Variants in ABCA13 observed in about 807,000 individuals in gnomAD.
ABCA13 encodes the protein ATP-binding cassette sub-family A member 13.
In ABCA13, 476 loss-of-function variants were observed where a neutral mutation model predicts 478.7. The ratio of observed to expected loss-of-function variants is 0.99; its 90% CI spans 0.92 to 1.07. The LOEUF (loss-of-function observed/expected upper bound fraction) is 1.07, where lower values mean the gene tolerates loss of function less well. Ranked by LOEUF, ABCA13 falls within the 50% of genes least tolerant of loss-of-function variation. The pLI is 0.00. For synonymous variants in ABCA13, 2,252 were observed against 2,158.9 expected (o/e 1.04, Z -1.20); for missense variants, 6,060 against 5,910.6 (o/e 1.03, Z -0.83).
intron 48 of ABCA13, among the ~76,000 whole-genome samples, chr7:48,496,928 T>G (rs903062885): frequency 6.6e-6 from 1 of 152,130 alleles, no homozygotes; most frequent in Admixed American, 6.5e-5. Flanking sequence ...GGTTTTATCC[T>G]ATTTGGGATT....
At position 48,295,871 on chromosome 7, in the gene ABCA13, C is replaced by G. The variant is rs754660346; in HGVS notation, c.9119+8C>G. On this transcript the variant is annotated splice_region_variant and intron_variant, in intron 21 of 61. Coordinates refer to ENST00000435803, the MANE Select transcript of ABCA13 (RefSeq NM_152701.5). ...GCAGCAGCACTTGTACATGTATGCT[C>G]TGATATTCTTTCATGCCCTCCCCAG... 1.7e-5 allele frequency: 27 copies of G among 1,593,174 alleles called. No homozygotes were observed. Among genetic ancestry groups the G allele is most frequent in the Non-Finnish European group, 2.3e-5 (27 of 1,168,848 alleles).
chr7:48,229,718 A>C, intron 6 of ABCA13, 107 bp from the exon 7 acceptor site: 1 of 1,348,290 alleles, frequency 7.4e-7, no homozygotes, highest in Non-Finnish European at 1.0e-6. Context: ...CACATCTTGC[A>C]ACAGCACTAG....
chr7:48,245,660 C>T (rs768297648), intron 12 of ABCA13, 48 bp downstream of exon 12: 3 of 1,559,916 alleles, frequency 1.9e-6, no homozygotes, highest in Non-Finnish European at 2.6e-6. Context: ...ATAAAACATT[C>T]AAGAAGCTCA....
At chr7:48,551,357 T>G (rs556339775) in intron 55 of ABCA13, among the ~76,000 whole-genome samples, 3 of 152,026 alleles carry the variant, frequency 2.0e-5, no homozygotes, top group African/African-American at 7.2e-5. Flanking sequence ...TAATTAGATG[T>G]CTAGATTAAT....
intron 45 of ABCA13, among the ~76,000 whole-genome samples, chr7:48,478,674 C>T (rs570391443): frequency 1.3e-5 from 2 of 152,226 alleles, no homozygotes; most frequent in African/African-American, 4.8e-5. Flanking sequence ...GGAACAGACA[C>T]TCTCTGTTTA....
chr7:48,245,585 G>A lies in ABCA13; in HGVS notation c.1464G>A (p.Lys488=). ...AACTTAACCAATTGAAACTGGAAAA[G>A]GATGTGTTCTTTTGGGAGCTGAAAC... ...WFELNQLKLE[K]DVFFWELKQM... Residue 488 remains lysine, a synonymous_variant, in exon 12 of 62, where the codon AAG becomes AAA. Transcript: ENST00000435803. 1 of 1,612,662 alleles carries A rather than the reference G, an allele frequency of 6.2e-7. No homozygotes were observed. Among genetic ancestry groups the A allele is most frequent in the Non-Finnish European group, 8.5e-7 (1 of 1,179,530 alleles).
intron 3 of ABCA13, among the ~76,000 whole-genome samples, chr7:48,217,298 A>G (rs1786629856): frequency 6.6e-6 from 1 of 152,230 alleles, no homozygotes; most frequent in African/African-American, 2.4e-5. Flanking sequence ...GGATCTGCTT[A>G]GAGATAATTC....
chr7:48,438,997 T>C (rs1236130726), intron 42 of ABCA13, among the ~76,000 whole-genome samples: 1 of 152,032 alleles, frequency 6.6e-6, no homozygotes, highest in African/African-American at 2.4e-5. Context: ...AAGTTACCCT[T>C]ACTTTTTTAA....
chr7:48,618,243 C>T lies in ABCA13; in HGVS notation c.14837+2866C>T, dbSNP rs561025083. Among the ~76,000 whole-genome samples the T allele has an allele frequency of 1.1e-4, 16 of 152,318 alleles. No individual in the cohort carries two copies. The South Asian group carries it at 3.3e-3, about 32-fold the overall frequency. ...CCATGCCTGACTCTGCTCTGATTCT[C>T]TTCCTTCCTGCTGTGCTCATTTGAG... On this transcript the variant is annotated intron_variant, in intron 59 of 61. Coordinates refer to ENST00000435803, the MANE Select transcript of ABCA13 (RefSeq NM_152701.5).
chr7:48,467,018 T>A lies in ABCA13; in HGVS notation c.12878T>A (p.Leu4293Ter), dbSNP rs747232885. The A allele has an allele frequency of 2.5e-6, 4 of 1,613,902 alleles. No individual in the cohort carries two copies. The highest frequency in any genetic ancestry group is 3.4e-6 in the Non-Finnish European group (4 of 1,179,894). The change falls in exon 44 of 62, where the codon TTG becomes TAG. Residue 4293 changes from leucine (L) to a stop codon, truncating the protein, a stop_gained. Coordinates refer to ENST00000435803, the MANE Select transcript of ABCA13 (RefSeq NM_152701.5). LOFTEE classifies it high-confidence loss of function. Reference sequence around the variant, plus strand: ...CTGCGGAAGTTTAGAGATCAAGATTTGCCCTGTGCAGATTTAAACCCACGC... The same window carrying A: ...CTGCGGAAGTTTAGAGATCAAGATTAGCCCTGTGCAGATTTAAACCCACGC... ...VLLRKFRDQDLPCADLNPRQK... is the reference protein window; with the variant it reads ...VLLRKFRDQD
At chr7:48,371,525 T>G (rs916511123) in intron 32 of ABCA13, among the ~76,000 whole-genome samples, 1 of 152,204 alleles carries the variant, frequency 6.6e-6, no homozygotes, top group African/African-American at 2.4e-5. Flanking sequence ...GCTGTATTCT[T>G]AGACATTTTA....
At chr7:48,315,029 G>A (rs1218365548) in intron 26 of ABCA13, among the ~76,000 whole-genome samples, 1 of 152,190 alleles carries the variant, frequency 6.6e-6, no homozygotes, top group Non-Finnish European at 1.5e-5. Flanking sequence ...TGCTGGTGAG[G>A]TTTTGGAGTT....
intron 42 of ABCA13, among the ~76,000 whole-genome samples, chr7:48,435,130 C>A (rs892624912): frequency 4.0e-5 from 6 of 151,830 alleles, no homozygotes; most frequent in African/African-American, 1.4e-4. Flanking sequence ...GTTTTCCAAT[C>A]CATGAACATA....
intron 55 of ABCA13, among the ~76,000 whole-genome samples, chr7:48,560,196 G>A (rs903434006): frequency 2.0e-5 from 3 of 152,164 alleles, no homozygotes; most frequent in African/African-American, 7.2e-5. Context: ...GGTTCCAACT[G>A]CTGGGATGGA....
chr7:48,239,751 T>C (rs1375716498), intron 9 of ABCA13, among the ~76,000 whole-genome samples: 1 of 152,248 alleles, frequency 6.6e-6, no homozygotes, highest in Non-Finnish European at 1.5e-5. Context: ...CATGCTAGCA[T>C]TGGGCATCCC....
At chr7:48,631,637 C>A (rs1001617088) in intron 59 of ABCA13, among the ~76,000 whole-genome samples, 1 of 151,220 alleles carries the variant, frequency 6.6e-6, no homozygotes, top group African/African-American at 2.4e-5. Flanking sequence ...ACTATTGGAG[C>A]TTTTTCTTTC....
intron 16 of ABCA13, among the ~76,000 whole-genome samples, chr7:48,270,094 T>A (rs556926861): frequency 6.6e-6 from 1 of 152,292 alleles, no homozygotes; most frequent in Non-Finnish European, 1.5e-5. Flanking sequence ...GTGTCTTTCA[T>A]CATGGATAGT....
At chr7:48,574,557 A>G (rs1563456254) in intron 55 of ABCA13, among the ~76,000 whole-genome samples, 2 of 152,170 alleles carry the variant, frequency 1.3e-5, no homozygotes, top group South Asian at 4.1e-4. Context: ...CATCTCAAGC[A>G]TGAGACACCT....
At position 48,365,631 on chromosome 7, in the gene ABCA13, A is replaced by G. The variant is rs530878956; in HGVS notation, c.10689-2163A>G. Among the ~76,000 whole-genome samples, 14 of 152,284 alleles carry G rather than the reference A, an allele frequency of 9.2e-5. No individual in the cohort carries two copies. The South Asian group carries it at 1.9e-3, about 20-fold the overall frequency. On this transcript the variant is annotated intron_variant, in intron 31 of 61. Coordinates refer to ENST00000435803, the MANE Select transcript of ABCA13 (RefSeq NM_152701.5). ...TAAGGCTCTAGTTTCATTCTTCTGC[A>G]TATGGTTATTCAGTTTTTCCAGCAT...
Sources: gnomAD v4.1 joint callset for allele counts (sites outside exome capture counted in the v4.1 genomes callset) on GRCh38, gnomAD v4.1.1 for gene constraint, MANE v1.5 for transcripts, NCBI Gene and HGNC (gene_info 2026-07-23, HGNC 2026-07-21) for gene names.